MOCOS: variants seen among roughly 807,000 people sequenced by gnomAD.
MOCOS encodes human molybdenum cofactor sulfurase.
A neutral mutation model predicts 83.6 loss-of-function variants in MOCOS; 86 were observed. That is an observed-to-expected ratio of 1.03 (90% CI 0.86 to 1.23). The LOEUF (loss-of-function observed/expected upper bound fraction) is 1.23. MOCOS is among the 50% of genes most tolerant of loss of function. The pLI, the probability that MOCOS is intolerant of heterozygous loss-of-function variation, is 0.00. For synonymous variants in MOCOS, 445 were observed against 434.7 expected (o/e 1.02, Z -0.29); for missense variants, 1,120 against 1,126.9 (o/e 0.99, Z 0.09).
intron 7 of MOCOS, among the ~76,000 whole-genome samples, chr18:36,214,017 G>A (rs1801989692): frequency 1.3e-5 from 2 of 151,772 alleles, no homozygotes; most frequent in Admixed American, 6.6e-5. Flanking sequence ...CGAGGTGGGC[G>A]AGTCACCTGA....
At chr18:36,249,354 C>T (rs544301224) in intron 10 of MOCOS, among the ~76,000 whole-genome samples, 1 of 152,306 alleles carries the variant, frequency 6.6e-6, no homozygotes, top group African/African-American at 2.4e-5. Context: ...AACAACCTCT[C>T]CCTCTTCATT....
At chr18:36,206,074 T>C (rs758990816) in intron 6 of MOCOS, among the ~76,000 whole-genome samples, 1 of 151,700 alleles carries the variant, frequency 6.6e-6, no homozygotes, top group Non-Finnish European at 1.5e-5. Flanking sequence ...AAAAGGTTTA[T>C]TTGGCTCATG....
intron 6 of MOCOS, among the ~76,000 whole-genome samples, chr18:36,211,915 A>G (rs1420462234): frequency 1.3e-5 from 2 of 152,150 alleles, no homozygotes; most frequent in African/African-American, 2.4e-5. Flanking sequence ...ATGATGCCCT[A>G]TTGGCTTTGT....
intron 7 of MOCOS, among the ~76,000 whole-genome samples, chr18:36,213,844 G>A (rs1273084301): frequency 2.0e-5 from 3 of 151,868 alleles, no homozygotes; most frequent in Non-Finnish European, 2.9e-5. Flanking sequence ...CAGGAGAATC[G>A]TTTGAGCCCA....
chr18:36,213,319 A>G (rs2091462115), intron 6 of MOCOS, 47 bp from the exon 7 acceptor site: 1 of 1,445,486 alleles, frequency 6.9e-7, no homozygotes, highest in Non-Finnish European at 9.7e-7. Context: ...CTCAGAGTAA[A>G]ACTGCACGTT....
intron 13 of MOCOS, among the ~76,000 whole-genome samples, chr18:36,262,966 G>C (rs2091669247): frequency 6.6e-6 from 1 of 152,068 alleles, no homozygotes; most frequent in African/African-American, 2.4e-5. Flanking sequence ...AAAATTAGCT[G>C]GGCATGGTGG....
rs765321005 is a variant in MOCOS, at chr18:36,205,263, T to C, written c.1205T>C (p.Ile402Thr). The C allele has an allele frequency of 2.6e-5, 42 of 1,613,560 alleles. No individual in the cohort carries two copies. The highest frequency in any genetic ancestry group is 1.2e-4 in the African/African-American group (9 of 74,902). Reference sequence around the variant, plus strand: ...GTGCTGGATGACAAAGGGAACATCATTGGTTACTCCCAGGTGGGTTTTCTT... The same window carrying C: ...GTGCTGGATGACAAAGGGAACATCACTGGTTACTCCCAGGTGGGTTTTCTT... The part of the protein sequence containing the change: ...FNVLDDKGNI[I>T]GYSQVDKMAS... The change falls in exon 6 of 15, where the codon ATT becomes ACT. Residue 402 changes from isoleucine (I) to threonine (T), a missense_variant. Physicochemically the swap from Ile to Thr is moderately conservative, Grantham distance 89. Coordinates refer to ENST00000261326, the MANE Select transcript of MOCOS (RefSeq NM_017947.4).
In MOCOS at chr18:36,268,711, C is replaced by A; in HGVS notation, c.*26C>A. Reference sequence around the variant, plus strand: ...AAAAAATTTTTAGCATAAAGTTTCTCTTTTACAGTGATCTCTATTATTGTT... The same window carrying A: ...AAAAAATTTTTAGCATAAAGTTTCTATTTTACAGTGATCTCTATTATTGTT... On this transcript the variant is annotated 3_prime_UTR_variant, in exon 15 of 15. Coordinates refer to ENST00000261326, the MANE Select transcript of MOCOS (RefSeq NM_017947.4). The A allele has an allele frequency of 8.0e-7, 1 of 1,249,278 alleles. No individual in the cohort carries two copies. The highest frequency in any genetic ancestry group is 1.1e-6 in the Non-Finnish European group (1 of 882,042). 77.4% of individuals were successfully genotyped at this position (1,249,278 alleles called of 1,614,324 possible). A position where few individuals can be genotyped will look rare whatever the true frequency, so the allele number is the denominator to read the frequency against.
intron 6 of MOCOS, among the ~76,000 whole-genome samples, chr18:36,210,671 C>T (rs991052825): frequency 7.3e-5 from 11 of 151,122 alleles, no homozygotes; most frequent in Non-Finnish European, 1.5e-4. Flanking sequence ...GCCAACATGG[C>T]GAAACCCTGT....
At chr18:36,265,740 GATATAT>G (rs35832849) in intron 13 of MOCOS, among the ~76,000 whole-genome samples, 14 of 149,356 alleles carry the variant, frequency 9.4e-5, no homozygotes, top group Admixed American at 1.3e-4. Flanking sequence ...GGTACGTATG[GATATAT>G]ATATATATAT....
At chr18:36,248,885 C>T (rs186510387) in intron 9 of MOCOS, 37 bp from the exon 10 acceptor site, 2 of 1,551,822 alleles carry the variant, frequency 1.3e-6, no homozygotes, top group Non-Finnish European at 1.8e-6. Context: ...GTTGTTTTTA[C>T]ATAATGATAA....
At chr18:36,230,571 A>T (rs945034521) in intron 9 of MOCOS, among the ~76,000 whole-genome samples, 2 of 152,188 alleles carry the variant, frequency 1.3e-5, no homozygotes, top group African/African-American at 4.8e-5. Context: ...TGGGGAGCTC[A>T]AGATGCTACC....
intron 9 of MOCOS, among the ~76,000 whole-genome samples, chr18:36,246,621 G>A (rs904797783): frequency 3.9e-5 from 6 of 152,200 alleles, no homozygotes; most frequent in Non-Finnish European, 8.8e-5. Flanking sequence ...TGTTTAGTGC[G>A]GTGGTTTTCT....
chr18:36,198,546 A>G, intron 2 of MOCOS, 144 bp from the exon 3 acceptor site: 1 of 796,542 alleles, frequency 1.3e-6, no homozygotes, highest in South Asian at 1.5e-5. Context: ...TTTTTGAGGG[A>G]TAGAAATCTA....
At chr18:36,198,908 G>A (rs2091400949) in intron 3 of MOCOS, 152 bp downstream of exon 3, 1 of 828,098 alleles carries the variant, frequency 1.2e-6, no homozygotes, top group East Asian at 2.7e-5. Flanking sequence ...AAACATCAGA[G>A]TCAGAGCTCA....
intron 11 of MOCOS, among the ~76,000 whole-genome samples, chr18:36,255,780 T>G (rs2091639226): frequency 6.6e-6 from 1 of 152,184 alleles, no homozygotes; most frequent in Non-Finnish European, 1.5e-5. Context: ...ATAATGATAG[T>G]GATGCCGGGC....
chr18:36,257,255 T>A (rs1473140487), intron 12 of MOCOS, among the ~76,000 whole-genome samples, 182 bp downstream of exon 12: 2 of 152,220 alleles, frequency 1.3e-5, no homozygotes, highest in African/African-American at 4.8e-5. Context: ...TCCATTCATC[T>A]TTATAGAGGG....
chr18:36,196,170 T>C (rs887700303), intron 2 of MOCOS, among the ~76,000 whole-genome samples: 7 of 152,208 alleles, frequency 4.6e-5, no homozygotes. Context: ...AATGGCATTG[T>C]CATCAGTGGC....
rs687387 is a variant in MOCOS, at chr18:36,213,548, T to C, written c.1335+66T>C. On this transcript the variant is annotated intron_variant, in intron 7 of 14. Transcript: ENST00000261326. Reference sequence around the variant, plus strand: ...ACCCAGCAACACCTGTTGCTGCCTGTGTGTCTGGGGTGGGGGCTGCTGCTG... The same window carrying C: ...ACCCAGCAACACCTGTTGCTGCCTGCGTGTCTGGGGTGGGGGCTGCTGCTG... 1,288,257 of 1,333,282 alleles carry C rather than the reference T, an allele frequency of 0.97. 622,779 individuals carry two copies. Among genetic ancestry groups the C allele is most frequent in the East Asian group, 0.98 (42,708 of 43,426 alleles). 82.6% of individuals were successfully genotyped at this position (1,333,282 alleles called of 1,614,324 possible).
Sources: gnomAD v4.1 joint callset for allele counts (sites outside exome capture counted in the v4.1 genomes callset) on GRCh38, gnomAD v4.1.1 for gene constraint, MANE v1.5 for transcripts, NCBI Gene and HGNC (gene_info 2026-07-23, HGNC 2026-07-21) for gene names.